Variants in NPAS3 observed in about 807,000 individuals in gnomAD.
NPAS3 encodes neuronal PAS domain protein 3, also known as neuronal PAS domain-containing protein 3.
Under a neutral mutation model 73.1 loss-of-function variants are expected in NPAS3, and 14 were observed. The observed-to-expected ratio is 0.19, with a 90% CI of 0.13 to 0.30. The LOEUF (loss-of-function observed/expected upper bound fraction) is 0.30. NPAS3 is among the 10% of genes least tolerant of loss of function. The pLI, the probability that NPAS3 is intolerant of heterozygous loss-of-function variation, is 1.00. For synonymous variants in NPAS3, 620 were observed against 541.5 expected, an observed-to-expected ratio of 1.14 and a Z score of -2.01; for missense variants, 1,096 against 1,250.0, an observed-to-expected ratio of 0.88 and a Z score of 1.86.
At chr14:33,432,224 G>A (rs150311769) in intron 4 of NPAS3, among the ~76,000 whole-genome samples, 82 of 152,206 alleles carry the variant, frequency 5.4e-4, no homozygotes, top group Non-Finnish European at 8.2e-4. Context: ...TACAGTCATT[G>A]CTTAACAATA....
chr14:33,344,745 T>C (rs2044649118), intron 3 of NPAS3, among the ~76,000 whole-genome samples: 2 of 152,344 alleles, frequency 1.3e-5, no homozygotes, highest in Admixed American at 6.5e-5. Flanking sequence ...AAAAATTTAA[T>C]AGCGTACAGT....
chr14:33,122,027 G>A (rs10130455), intron 2 of NPAS3, among the ~76,000 whole-genome samples: 2,858 of 152,164 alleles, frequency 0.019, 81 homozygotes, highest in African/African-American at 0.065. Flanking sequence ...CTGTGTTAAT[G>A]TATCACTGTT....
chr14:33,492,827 C>T (rs1336346492), intron 4 of NPAS3, among the ~76,000 whole-genome samples: 2 of 152,146 alleles, frequency 1.3e-5, no homozygotes, highest in African/African-American at 2.4e-5. Flanking sequence ...TGACCTTTCA[C>T]CATGGCAATG....
intron 3 of NPAS3, among the ~76,000 whole-genome samples, chr14:33,303,241 AG>A (rs2042624599): frequency 6.6e-6 from 1 of 152,192 alleles, no homozygotes; most frequent in African/African-American, 2.4e-5. Context: ...GTATTCGAAC[AG>A]AGTGGGTACT....
chr14:33,022,884 T>C (rs1048827739), intron 1 of NPAS3, among the ~76,000 whole-genome samples: 5 of 152,250 alleles, frequency 3.3e-5, no homozygotes, highest in South Asian at 2.1e-4. Context: ...GTTCTGTGGT[T>C]GCTTTACAGT....
At chr14:33,499,182 G>T (rs2052391078) in intron 4 of NPAS3, among the ~76,000 whole-genome samples, 1 of 151,574 alleles carries the variant, frequency 6.6e-6, no homozygotes, top group Admixed American at 6.6e-5. Context: ...AAATATTATC[G>T]AAAAGAGCAC....
At chr14:33,473,784 G>A (rs890385443) in intron 4 of NPAS3, among the ~76,000 whole-genome samples, 4 of 152,136 alleles carry the variant, frequency 2.6e-5, no homozygotes, top group African/African-American at 9.7e-5. Flanking sequence ...CTTGCTGCCT[G>A]ATTTTTTTGT....
At chr14:33,265,665 G>A (rs1056456834) in intron 3 of NPAS3, among the ~76,000 whole-genome samples, 1 of 152,206 alleles carries the variant, frequency 6.6e-6, no homozygotes, top group African/African-American at 2.4e-5. Flanking sequence ...GGAGAGATTA[G>A]TAATTCACCC....
intron 4 of NPAS3, among the ~76,000 whole-genome samples, chr14:33,405,766 C>A (rs918331879): frequency 3.9e-5 from 6 of 152,118 alleles, no homozygotes; most frequent in Non-Finnish European, 8.8e-5. Flanking sequence ...GTATTAAAAG[C>A]TATTTGCCCA....
intron 6 of NPAS3, among the ~76,000 whole-genome samples, chr14:33,729,250 T>G (rs1259234636): frequency 6.6e-6 from 1 of 152,220 alleles, no homozygotes; most frequent in African/African-American, 2.4e-5. Context: ...TAGTGTGCCC[T>G]ACACATGTAA....
chr14:33,412,020 A>G (rs879728303), intron 4 of NPAS3, among the ~76,000 whole-genome samples: 4 of 152,208 alleles, frequency 2.6e-5, no homozygotes, highest in Non-Finnish European at 4.4e-5. Flanking sequence ...TGGCACCCTA[A>G]CACTTTGACT....
At chr14:33,750,985 C>A (rs1595551085) in intron 7 of NPAS3, among the ~76,000 whole-genome samples, 1 of 152,150 alleles carries the variant, frequency 6.6e-6, no homozygotes, top group South Asian at 2.1e-4. Flanking sequence ...GAAGGGAACT[C>A]TAAACAGAGG....
upstream of NPAS3, chr14:32,935,039 GC>G (rs1272828924): frequency 1.6e-6 from 2 of 1,222,258 alleles, no homozygotes; most frequent in Non-Finnish European, 2.1e-6. Context: ...TAGTGCCCCC[GC>G]CCCGGGGTGC....
chr14:32,979,180 A>C (rs61980339), intron 1 of NPAS3, among the ~76,000 whole-genome samples: 9,358 of 152,234 alleles, frequency 0.061, 390 homozygotes, highest in Middle Eastern at 0.16. Context: ...GCTTTATTTT[A>C]ATAGTTATTA....
chr14:33,447,701 T>G (rs1168861689), intron 4 of NPAS3, among the ~76,000 whole-genome samples: 3 of 151,980 alleles, frequency 2.0e-5, no homozygotes, highest in Non-Finnish European at 4.4e-5. Context: ...ATTATTTGAA[T>G]CCAGGGGTTT....
At chr14:33,525,339 G>A (rs994691925) in intron 4 of NPAS3, among the ~76,000 whole-genome samples, 2 of 152,084 alleles carry the variant, frequency 1.3e-5, no homozygotes, top group African/African-American at 4.8e-5. Flanking sequence ...AAATCACTTT[G>A]CCATATAATT....
At chr14:33,125,598 A>G (rs564237072) in intron 2 of NPAS3, among the ~76,000 whole-genome samples, 5 of 152,198 alleles carry the variant, frequency 3.3e-5, no homozygotes, top group African/African-American at 1.2e-4. Context: ...AAATCCTTTT[A>G]AGAAGTTCCC....
chr14:33,451,676 T>C (rs1385244961), intron 4 of NPAS3, among the ~76,000 whole-genome samples: 1 of 152,234 alleles, frequency 6.6e-6, no homozygotes, highest in African/African-American at 2.4e-5. Flanking sequence ...TTCACTTTCA[T>C]GGATTTACAA....
intron 5 of NPAS3, among the ~76,000 whole-genome samples, chr14:33,565,632 A>G (rs1432014458): frequency 6.6e-6 from 1 of 152,158 alleles, no homozygotes; most frequent in Non-Finnish European, 1.5e-5. Flanking sequence ...GAAAAAAAAA[A>G]GAAGACATTA....
Sources: allele counts gnomAD v4.1 joint callset (sites outside exome capture counted in the v4.1 genomes callset), GRCh38; gene constraint gnomAD v4.1.1; transcripts MANE v1.5; gene names NCBI Gene and HGNC (gene_info 2026-07-23, HGNC 2026-07-21).